METTL4: variants seen among roughly 807,000 people sequenced by gnomAD.
The protein encoded by METTL4 is N(6)-adenine-specific methyltransferase METTL4.
METTL4 carries 40 observed loss-of-function variants against 54.0 expected under a neutral mutation model. The observed-to-expected ratio is 0.74, with a 90% CI of 0.58 to 0.96. The LOEUF is 0.96. Among genes scored for constraint, METTL4 ranks in the 50% least tolerant of loss-of-function variants. METTL4 has a pLI of 0.00. For missense variants in METTL4, 525 were observed against 549.0 expected, an observed-to-expected ratio of 0.96 and a Z score of 0.44; for synonymous variants, 169 against 183.8, an observed-to-expected ratio of 0.92 and a Z score of 0.65.
intron 6 of METTL4, among the ~76,000 whole-genome samples, chr18:2,545,253 C>T (rs751647429): frequency 4.7e-4 from 72 of 152,172 alleles, no homozygotes; most frequent in Middle Eastern, 3.4e-3. Context: ...ACAATCTCTA[C>T]TCTTAACTAA....
At chr18:2,543,416 T>C (rs1261056620) in intron 8 of METTL4, among the ~76,000 whole-genome samples, 2 of 152,204 alleles carry the variant, frequency 1.3e-5, no homozygotes, top group African/African-American at 2.4e-5. Flanking sequence ...GGACTTATAT[T>C]TCTATGTTTT....
In METTL4 at chr18:2,546,244, C is replaced by G. The variant is rs185020473; in HGVS notation, c.1074+1111G>C. Among the ~76,000 whole-genome samples, 147 of 152,202 alleles carry G rather than the reference C, an allele frequency of 9.7e-4. 1 individual carries two copies. Among genetic ancestry groups the G allele is most frequent in the East Asian group, 5.8e-4 (3 of 5,190 alleles). On this transcript the variant is annotated intron_variant, in intron 6 of 8. Coordinates refer to ENST00000574538, the MANE Select transcript of METTL4 (RefSeq NM_022840.5). ...AGGTTTTCAGGTACTCATGGTCAAC[C>G]ACAGTCCAGAGATAGGTAAGTACAG...
chr18:2,551,868 A>G (rs28620181), intron 5 of METTL4, among the ~76,000 whole-genome samples: 11,744 of 152,172 alleles, frequency 0.077, 831 homozygotes, highest in African/African-American at 0.19. Flanking sequence ...ACTGAAAAGT[A>G]AGAGACAATG....
At chr18:2,539,748 C>T (rs7229299) in intron 8 of METTL4, 352,255 of 807,358 alleles carry the variant, frequency 0.44, 77,442 homozygotes, top group African/African-American at 0.44. Context: ...TCCCAAAGTG[C>T]TAGGATTACA....
chr18:2,539,254 A>G (rs1440912690), intron 8 of METTL4, 109 bp from the exon 9 acceptor site: 2 of 884,560 alleles, frequency 2.3e-6, no homozygotes, highest in Non-Finnish European at 3.5e-6. Context: ...TTCTTAAAAG[A>G]CAGCAAATTA....
Position 2,544,725 on chromosome 18 carries a change from T to C in METTL4, c.1109A>G (p.Asp370Gly). 2 of 1,613,110 alleles carry C rather than the reference T, an allele frequency of 1.2e-6. No individual in the cohort carries two copies. The highest frequency in any genetic ancestry group is 1.7e-6 in the Non-Finnish European group (2 of 1,179,498). ...TTCGTAGGGCTTTTTGTGTGGAGAA[T>C]CTAATGGGAACACAAATTCTCCTGA... The part of the protein sequence containing the change: ...TNSGEFVFPL[D>G]SPHKKPYEGL... Residue 370 changes from aspartate (D) to glycine (G), a missense_variant, in exon 7 of 9, where the codon GAT (aspartate) becomes GGT (glycine). By Grantham distance (94) the Asp-to-Gly change is moderately conservative (BLOSUM62 -1). Transcript: ENST00000574538.
intron 3 of METTL4, among the ~76,000 whole-genome samples, 188 bp downstream of exon 3, chr18:2,563,600 CAAAAAAAAA>C (rs67428228): frequency 5.9e-4 from 58 of 97,808 alleles, no homozygotes; most frequent in African/African-American, 1.9e-3. Context: ...GACTCTGCCT[CAAAAAAAAA>C]AAAAAAAAAA....
intron 5 of METTL4, 62 bp downstream of exon 5, chr18:2,552,633 A>G: frequency 9.4e-7 from 1 of 1,068,958 alleles, no homozygotes; most frequent in Non-Finnish European, 1.4e-6. Flanking sequence ...ATAGTATATT[A>G]AACTATAATG....
chr18:2,538,336 TATACTA>T lies in METTL4; in HGVS notation c.*658_*663del, dbSNP rs779160782. ...CTACAAAAATGCTGTATAAACTCAG[TATACTA>T]ATGCAGTATTTGGCAGATCTTTGAA... On this transcript the variant is annotated 3_prime_UTR_variant, in exon 9 of 9. Coordinates refer to ENST00000574538, the MANE Select transcript of METTL4 (RefSeq NM_022840.5). The T allele has an allele frequency of 6.2e-6, 1 of 160,490 alleles. No homozygotes were observed. The highest frequency in any genetic ancestry group is 1.4e-5 in the Non-Finnish European group (1 of 73,914). 9.9% of individuals were successfully genotyped at this position (160,490 alleles called of 1,614,324 possible).
intron 6 of METTL4, among the ~76,000 whole-genome samples, chr18:2,547,067 T>C (rs1272062171): frequency 6.6e-6 from 1 of 152,308 alleles, no homozygotes; most frequent in East Asian, 1.9e-4. Context: ...TTTTTGTTTG[T>C]TGTTTTTTAA....
rs756874011 is a variant in METTL4, at chr18:2,566,902, A to C, written c.315T>G (p.His105Gln). Residue 105 changes from histidine (H) to glutamine (Q), a missense_variant, in exon 2 of 9, where the codon CAT becomes CAG. Transcript: ENST00000574538. ...VTKPYITPAV[H>Q]KECQQSNEKE... Reference sequence around the variant, plus strand: ...TTTCATTACTTTGCTGGCATTCTTTATGAACAGCTGGAGTTATATAAGGTT... The same window carrying C: ...TTTCATTACTTTGCTGGCATTCTTTCTGAACAGCTGGAGTTATATAAGGTT... The C allele has an allele frequency of 3.7e-6, 6 of 1,613,454 alleles. No homozygotes were observed. Among genetic ancestry groups the C allele is most frequent in the Non-Finnish European group, 5.1e-6 (6 of 1,179,644 alleles).
At chr18:2,559,190 A>G (rs988320265) in intron 3 of METTL4, among the ~76,000 whole-genome samples, 1 of 152,240 alleles carries the variant, frequency 6.6e-6, no homozygotes, top group African/African-American at 2.4e-5. Flanking sequence ...CATTATTCAC[A>G]ACAGCCAAAA....
At chr18:2,561,923 A>C (rs2072326018) in intron 3 of METTL4, 1 of 152,230 alleles carries the variant, frequency 6.6e-6, no homozygotes. Context: ...TCCAGAAAAT[A>C]AGTGTATTTC....
At chr18:2,540,559 C>A in intron 8 of METTL4, 1 of 985,406 alleles carries the variant, frequency 1.0e-6, no homozygotes, top group Middle Eastern at 5.2e-4. Context: ...AAAGGTTTCA[C>A]TGTCTATAAT....
intron 2 of METTL4, among the ~76,000 whole-genome samples, chr18:2,565,048 G>A (rs1350577234): frequency 6.6e-6 from 1 of 152,174 alleles, no homozygotes; most frequent in Non-Finnish European, 1.5e-5. Flanking sequence ...AGCACTTTGG[G>A]AGGCCGAGGC....
chr18:2,540,341 A>G (rs1273616109), intron 8 of METTL4: 1 of 981,876 alleles, frequency 1.0e-6, no homozygotes, highest in African/African-American at 1.7e-5. Flanking sequence ...ATGGTTCATA[A>G]TTGCTATGTA....
intron 5 of METTL4, among the ~76,000 whole-genome samples, chr18:2,548,550 T>C (rs1273506982): frequency 5.3e-5 from 8 of 152,198 alleles, no homozygotes; most frequent in Non-Finnish European, 1.2e-4. Context: ...ACAATCCATA[T>C]AATGTATATA....
chr18:2,555,426 A>T (rs1271813812), intron 3 of METTL4: 1 of 194,746 alleles, frequency 5.1e-6, no homozygotes, highest in Non-Finnish European at 1.0e-5. Flanking sequence ...GCTAAATTAT[A>T]AAAGGAGGTC....
chr18:2,544,439 C>T (rs150278221), intron 7 of METTL4, among the ~76,000 whole-genome samples, 153 bp from the exon 8 acceptor site: 2 of 151,956 alleles, frequency 1.3e-5, no homozygotes, highest in East Asian at 3.9e-4. Context: ...AGTATTGAGA[C>T]ATTCCTATAA....
Sources: gnomAD v4.1 joint callset for allele counts (sites outside exome capture counted in the v4.1 genomes callset) on GRCh38, gnomAD v4.1.1 for gene constraint, MANE v1.5 for transcripts, NCBI Gene and HGNC (gene_info 2026-07-23, HGNC 2026-07-21) for gene names.